Variants in CADM2 observed in about 807,000 individuals in gnomAD.
The protein encoded by CADM2 is cell adhesion molecule 2.
CADM2 carries 12 observed loss-of-function variants against 49.8 expected under a neutral mutation model. The ratio of observed to expected loss-of-function variants is 0.24; its 90% CI spans 0.15 to 0.39. The LOEUF (loss-of-function observed/expected upper bound fraction) is 0.39. CADM2 is among the 10% of genes least tolerant of loss of function. The pLI is 1.00. For synonymous variants in CADM2, 214 were observed against 175.4 expected (o/e 1.22, Z -1.74); for missense variants, 378 against 492.3 (o/e 0.77, Z 2.20).
intron 1 of CADM2, among the ~76,000 whole-genome samples, chr3:85,295,612 T>TA (rs1363442866): frequency 2.0e-5 from 3 of 152,048 alleles, no homozygotes; most frequent in Admixed American, 2.0e-4. Context: ...TATGCAGCCA[T>TA]AAAAATGATG....
chr3:85,507,182 A>ATTTT (rs71108295), intron 1 of CADM2, among the ~76,000 whole-genome samples: 3 of 127,268 alleles, frequency 2.4e-5, no homozygotes, highest in South Asian at 2.5e-4. Context: ...CACCCAGTGT[A>ATTTT]TTTTTTTTTT....
chr3:85,242,319 AAGGGGTGAAAAAAAAC>A, intron 1 of CADM2, among the ~76,000 whole-genome samples: 1 of 151,078 alleles, frequency 6.6e-6, no homozygotes, highest in East Asian at 1.9e-4. Flanking sequence ...CATGTTTTTG[AAGGGGTGAAAAAAAAC>A]AGTATTACCA....
Position 86,070,568 on chromosome 3 carries a change from A to G in CADM2, c.*3785A>G, listed in dbSNP as rs1421966177. The G allele has an allele frequency of 1.3e-5, 2 of 151,974 alleles. No homozygotes were observed. The highest frequency in any genetic ancestry group is 2.4e-5 in the African/African-American group (1 of 41,516). 9.4% of individuals were successfully genotyped at this position (151,974 alleles called of 1,614,324 possible). A position where few individuals can be genotyped will look rare whatever the true frequency, so the allele number is the denominator to read the frequency against. On this transcript the variant is annotated 3_prime_UTR_variant, in exon 10 of 10. Coordinates refer to ENST00000383699, the MANE Select transcript of CADM2 (RefSeq NM_001167675.2). ...TCCCATGGTATTGCTAATTACTTAGAGTCTCTAAAATTGCCCAATATTATT... is the reference window on the plus strand; with the variant it reads ...TCCCATGGTATTGCTAATTACTTAGGGTCTCTAAAATTGCCCAATATTATT...
intron 1 of CADM2, among the ~76,000 whole-genome samples, chr3:85,373,018 G>C (rs2033363159): frequency 6.6e-6 from 1 of 151,960 alleles, no homozygotes; most frequent in African/African-American, 2.4e-5. Flanking sequence ...ATATCATTCT[G>C]GTCTTGGCCC....
chr3:85,815,823 A>G (rs2073170381), intron 3 of CADM2, among the ~76,000 whole-genome samples: 1 of 152,188 alleles, frequency 6.6e-6, no homozygotes, highest in Non-Finnish European at 1.5e-5. Flanking sequence ...TTTGCAGATG[A>G]CATGATTGTA....
intron 8 of CADM2, among the ~76,000 whole-genome samples, chr3:86,054,260 T>C (rs78572954): frequency 0.037 from 5,681 of 152,186 alleles, 212 homozygotes; most frequent in African/African-American, 0.095. Context: ...TCAATTATCA[T>C]TTATAGTGGT....
At chr3:85,604,319 T>A (rs369042905) in intron 1 of CADM2, among the ~76,000 whole-genome samples, 50 of 152,100 alleles carry the variant, frequency 3.3e-4, no homozygotes, top group African/African-American at 1.1e-3. Flanking sequence ...TAATCTCATC[T>A]GATCACATAT....
chr3:85,283,392 G>T (rs1290600624), intron 1 of CADM2, among the ~76,000 whole-genome samples: 1 of 151,538 alleles, frequency 6.6e-6, no homozygotes, highest in South Asian at 2.1e-4. Context: ...ACATATTTCA[G>T]TTATCAAAGC....
intron 1 of CADM2, among the ~76,000 whole-genome samples, chr3:85,428,595 T>C (rs1188929041): frequency 1.4e-5 from 2 of 146,160 alleles, no homozygotes; most frequent in Non-Finnish European, 3.0e-5. Flanking sequence ...ATAAAAATAA[T>C]ATTTATTATA....
intron 1 of CADM2, among the ~76,000 whole-genome samples, chr3:85,141,941 G>C (rs1171356359): frequency 6.6e-6 from 1 of 152,152 alleles, no homozygotes; most frequent in South Asian, 2.1e-4. Flanking sequence ...GGTTGGAAAA[G>C]AATTGTGTTT....
chr3:85,100,196 A>T (rs1279812652), intron 1 of CADM2, among the ~76,000 whole-genome samples: 1 of 152,188 alleles, frequency 6.6e-6, no homozygotes, highest in Admixed American at 6.5e-5. Flanking sequence ...GTATCTAAAT[A>T]TTCTTTTGGA....
At chr3:85,220,644 G>C (rs1012954166) in intron 1 of CADM2, among the ~76,000 whole-genome samples, 2 of 152,004 alleles carry the variant, frequency 1.3e-5, no homozygotes, top group African/African-American at 4.8e-5. Flanking sequence ...ATCATATCTG[G>C]AATACTGTAT....
chr3:85,225,250 G>A (rs538301900), intron 1 of CADM2, among the ~76,000 whole-genome samples: 18 of 152,076 alleles, frequency 1.2e-4, no homozygotes, highest in African/African-American at 2.4e-4. Context: ...ATGTTCTTCC[G>A]TTTGTATGTC....
intron 1 of CADM2, among the ~76,000 whole-genome samples, chr3:85,285,229 C>A (rs1442490698): frequency 9.2e-5 from 14 of 152,160 alleles, no homozygotes. Flanking sequence ...ATATATGAGT[C>A]TGGAGTTCAG....
At chr3:85,438,678 T>C (rs1329921687) in intron 1 of CADM2, among the ~76,000 whole-genome samples, 1 of 152,048 alleles carries the variant, frequency 6.6e-6, no homozygotes, top group African/African-American at 2.4e-5. Flanking sequence ...ATTTTCCTTT[T>C]CCTTTCTTTT....
At chr3:85,947,383 GTA>G (rs1399840406) in intron 7 of CADM2, among the ~76,000 whole-genome samples, 1 of 151,550 alleles carries the variant, frequency 6.6e-6, no homozygotes, top group African/African-American at 2.4e-5. Flanking sequence ...ATTGGGATGT[GTA>G]TGTGTGTGTG....
intron 1 of CADM2, among the ~76,000 whole-genome samples, chr3:85,322,844 T>A (rs2044651917): frequency 6.6e-6 from 1 of 152,128 alleles, no homozygotes; most frequent in Non-Finnish European, 1.5e-5. Context: ...TTGAATGGAA[T>A]GGGAAATTCA....
chr3:85,484,180 G>T (rs2039325632), intron 1 of CADM2, among the ~76,000 whole-genome samples: 2 of 151,810 alleles, frequency 1.3e-5, no homozygotes, highest in Admixed American at 6.6e-5. Flanking sequence ...TCCAGGAGAT[G>T]CTTGAGCAAT....
At chr3:86,022,422 A>G (rs973190254) in intron 8 of CADM2, among the ~76,000 whole-genome samples, 1 of 152,028 alleles carries the variant, frequency 6.6e-6, no homozygotes, top group Admixed American at 6.6e-5. Flanking sequence ...TTCTCTTTCA[A>G]ACTTATTTTG....
Sources: gnomAD v4.1 joint callset for allele counts (sites outside exome capture counted in the v4.1 genomes callset) on GRCh38, gnomAD v4.1.1 for gene constraint, MANE v1.5 for transcripts, NCBI Gene and HGNC (gene_info 2026-07-23, HGNC 2026-07-21) for gene names.